BANK1: variants seen among roughly 807,000 people sequenced by gnomAD.
BANK1 encodes the protein B cell scaffold protein with ankyrin repeats 1.
A neutral mutation model predicts 94.5 loss-of-function variants in BANK1; 95 were observed. The ratio of observed to expected loss-of-function variants is 1.00; its 90% CI spans 0.85 to 1.19. The LOEUF (loss-of-function observed/expected upper bound fraction) is 1.19. Among genes scored for constraint, BANK1 ranks in the 50% most tolerant of loss-of-function variants. The pLI, the probability that BANK1 is intolerant of heterozygous loss-of-function variation, is 0.00. For missense variants in BANK1, 987 were observed against 932.2 expected (o/e 1.06, Z -0.77); for synonymous variants, 334 against 308.4 (o/e 1.08, Z -0.87).
intron 2 of BANK1, among the ~76,000 whole-genome samples, chr4:101,842,669 C>A (rs987548469): frequency 1.3e-5 from 2 of 152,188 alleles, no homozygotes; most frequent in Admixed American, 1.3e-4. Context: ...CAAGTCTAAT[C>A]TATGTGTTTG....
intron 6 of BANK1, among the ~76,000 whole-genome samples, chr4:101,907,084 T>C (rs1445396683): frequency 1.3e-5 from 2 of 152,216 alleles, no homozygotes; most frequent in Non-Finnish European, 2.9e-5. Flanking sequence ...AACGAAGGGA[T>C]GGGCTGAATT....
chr4:102,035,140 T>C (rs1727458020), intron 10 of BANK1, among the ~76,000 whole-genome samples: 2 of 152,112 alleles, frequency 1.3e-5, no homozygotes, highest in African/African-American at 4.8e-5. Context: ...ACTATATCAG[T>C]CTACTGATTC....
chr4:101,862,200 G>A (rs1560606263), intron 3 of BANK1, among the ~76,000 whole-genome samples: 1 of 152,050 alleles, frequency 6.6e-6, no homozygotes, highest in Non-Finnish European at 1.5e-5. Context: ...TCTGCGAAAT[G>A]ATGCTTATAC....
At chr4:102,052,411 A>C (rs1413949116) in intron 11 of BANK1, among the ~76,000 whole-genome samples, 3 of 152,040 alleles carry the variant, frequency 2.0e-5, no homozygotes, top group Admixed American at 2.0e-4. Flanking sequence ...CCACCACGCC[A>C]GAAGGATTAA....
chr4:102,044,142 T>A (rs146398053), intron 11 of BANK1, among the ~76,000 whole-genome samples: 1 of 152,128 alleles, frequency 6.6e-6, no homozygotes, highest in Non-Finnish European at 1.5e-5. Context: ...TAACTTGTCA[T>A]CTAGCATTAG....
At chr4:101,992,192 TTTAG>T (rs1725731390) in intron 7 of BANK1, among the ~76,000 whole-genome samples, 1 of 152,194 alleles carries the variant, frequency 6.6e-6, no homozygotes, top group Non-Finnish European at 1.5e-5. Context: ...ATGTTGACAT[TTTAG>T]TTCAATGGGA....
At chr4:101,876,128 G>C (rs1201008716) in intron 5 of BANK1, among the ~76,000 whole-genome samples, 2 of 152,176 alleles carry the variant, frequency 1.3e-5, no homozygotes, top group Non-Finnish European at 2.9e-5. Flanking sequence ...AAAGGATCCA[G>C]TCCTGGCAGC....
intron 7 of BANK1, among the ~76,000 whole-genome samples, chr4:102,007,150 A>ATATATAAAAAATATAT (rs1726330569): frequency 2.7e-4 from 6 of 22,544 alleles, no homozygotes; most frequent in East Asian, 1.8e-3. Flanking sequence ...TATATTTTAT[A>ATATATAAAAAATATAT]TATATATATA....
Position 102,021,556 on chromosome 4 carries a change from G to A in BANK1, c.1249G>A (p.Glu417Lys). The A allele has an allele frequency of 2.0e-6, 3 of 1,467,324 alleles. No individual in the cohort carries two copies. The highest frequency in any genetic ancestry group is 1.8e-6 in the Non-Finnish European group (2 of 1,089,838). The allele number at this position is 1,467,324 out of a possible 1,614,324, so 90.9% of individuals were successfully genotyped here. ...AAATAATGAGCAAGAAAATGATTAT[G>A]AAGAGGATATTGCCTCATTTTCCAC... ...DINNEQENDY[E>K]EDIASFSTYI... The change falls in exon 8 of 17, where the codon GAA becomes AAA. Residue 417 changes from glutamate (E) to lysine (K), a missense_variant. Glu to Lys is a moderately conservative substitution (Grantham distance 56). Transcript: ENST00000322953.
At chr4:102,010,066 A>G (rs554500415) in intron 7 of BANK1, among the ~76,000 whole-genome samples, 7 of 152,046 alleles carry the variant, frequency 4.6e-5, no homozygotes, top group South Asian at 2.1e-4. Flanking sequence ...GGAGATCGAG[A>G]CCATCCTGGC....
intron 7 of BANK1, among the ~76,000 whole-genome samples, chr4:102,002,646 A>G (rs1245269616): frequency 1.3e-5 from 2 of 152,108 alleles, no homozygotes; most frequent in African/African-American, 2.4e-5. Context: ...GACTTGCTCA[A>G]GATATACACC....
chr4:101,803,248 A>G (rs7656409), intron 1 of BANK1, among the ~76,000 whole-genome samples: 84,179 of 151,848 alleles, frequency 0.55, 23,437 homozygotes, highest in South Asian at 0.69. Context: ...CTTTAGTGTT[A>G]TGCATGCCAT....
At chr4:101,873,969 A>G (rs548614200) in intron 5 of BANK1, among the ~76,000 whole-genome samples, 2 of 152,218 alleles carry the variant, frequency 1.3e-5, no homozygotes, top group South Asian at 2.1e-4. Flanking sequence ...TCGAAAGGCT[A>G]AAAGAACACA....
chr4:102,000,887 T>C (rs1042591082), intron 7 of BANK1, among the ~76,000 whole-genome samples: 9 of 152,178 alleles, frequency 5.9e-5, no homozygotes, highest in Non-Finnish European at 1.0e-4. Context: ...TGGTGTTGCT[T>C]ATAAGTGACC....
chr4:101,821,212 G>GT, intron 1 of BANK1, among the ~76,000 whole-genome samples: 1 of 152,202 alleles, frequency 6.6e-6, no homozygotes, highest in African/African-American at 2.4e-5. Context: ...TGATATTGAG[G>GT]TTTTTTCCAT....
In BANK1 at chr4:101,905,325, ACTGTGGCACTACCAG is replaced by A. The variant is rs574425623; in HGVS notation, c.1009+9922_1009+9936del. 8.2e-4 allele frequency among the ~76,000 whole-genome samples: 125 copies of A among 152,254 alleles called. 1 individual carries two copies. In the South Asian group the frequency reaches 0.012, roughly 15 times the overall value. On this transcript the variant is annotated intron_variant, in intron 6 of 16. Transcript: ENST00000322953. Reference sequence around the variant, plus strand: ...CACAGCTTTTGTGCAGCATAAATCTACTGTGGCACTACCAGCTGTGGTGGGGGACAGACATTGCAC... The same window carrying A: ...CACAGCTTTTGTGCAGCATAAATCTACTGTGGTGGGGGACAGACATTGCAC...
chr4:101,963,702 A>G (rs953837125), intron 7 of BANK1, among the ~76,000 whole-genome samples: 2 of 152,072 alleles, frequency 1.3e-5, no homozygotes, highest in Admixed American at 1.3e-4. Flanking sequence ...TGCTTTTCAA[A>G]CCATAAGCAC....
intron 1 of BANK1, among the ~76,000 whole-genome samples, chr4:101,791,690 A>G (rs1401177912): frequency 6.6e-6 from 1 of 152,248 alleles, no homozygotes; most frequent in Non-Finnish European, 1.5e-5. Context: ...GAGAAATGCA[A>G]CAAGAAAGTA....
chr4:101,916,399 G>T (rs1722829836), intron 6 of BANK1, among the ~76,000 whole-genome samples: 1 of 151,942 alleles, frequency 6.6e-6, no homozygotes, highest in Admixed American at 6.6e-5. Flanking sequence ...GAGAACAAAT[G>T]GATTGCATGG....
Sources: gnomAD v4.1 joint callset for allele counts (sites outside exome capture counted in the v4.1 genomes callset) on GRCh38, gnomAD v4.1.1 for gene constraint, MANE v1.5 for transcripts, NCBI Gene and HGNC (gene_info 2026-07-23, HGNC 2026-07-21) for gene names.